BNIPL: variants seen among roughly 807,000 people sequenced by gnomAD.
BNIPL encodes the protein BCL2 interacting protein like.
In BNIPL, 33 loss-of-function variants were observed where a neutral mutation model predicts 47.0. The observed-to-expected ratio is 0.70, with a 90% CI of 0.53 to 0.94. The LOEUF (loss-of-function observed/expected upper bound fraction) is 0.94, where lower values mean the gene tolerates loss of function less well. BNIPL is among the 40% of genes least tolerant of loss of function. The pLI, the probability that BNIPL is intolerant of heterozygous loss-of-function variation, is 0.00. For synonymous variants in BNIPL, 145 were observed against 162.7 expected (o/e 0.89, Z 0.83); for missense variants, 404 against 445.2 (o/e 0.91, Z 0.83).
chr1:151,038,884 T>C lies in BNIPL; in HGVS notation c.291T>C (p.Thr97=). The change falls in exon 4 of 10, where the codon ACT becomes ACC. Residue 97 remains threonine (T), a synonymous_variant. Transcript: ENST00000368931. ...CCCCAGAGTTGCGGCTGAGTCTGAC[T>C]AAGGGGCCTGGAAATGATGGAGCTT... is the stretch of plus-strand genomic sequence containing the variant. ...LSAPELRLSL[T]KGPGNDGASP... 6.2e-7 allele frequency: 1 copy of C among 1,614,100 alleles called. No homozygotes were observed. Among genetic ancestry groups the C allele is most frequent in the East Asian group, 2.2e-5 (1 of 44,884 alleles).
chr1:151,042,925 T>C, intron 4 of BNIPL, 31 bp from the exon 5 acceptor site: 1 of 1,469,202 alleles, frequency 6.8e-7, no homozygotes, highest in Non-Finnish European at 9.0e-7. Context: ...GAAATCTGCC[T>C]TGTTGATCCT....
intron 7 of BNIPL, 53 bp from the exon 8 acceptor site, chr1:151,045,744 C>G: frequency 6.2e-7 from 1 of 1,613,310 alleles, no homozygotes; most frequent in Admixed American, 1.7e-5. Context: ...TCCACGTGAT[C>G]TTCACACATA....
chr1:151,042,650 C>T (rs1321827446), intron 4 of BNIPL, among the ~76,000 whole-genome samples: 1 of 151,720 alleles, frequency 6.6e-6, no homozygotes, highest in Admixed American at 6.6e-5. Context: ...CCTGTTTCTA[C>T]AAAAAATACA....
intron 1 of BNIPL, 143 bp downstream of exon 1, chr1:151,036,909 G>A: frequency 2.4e-6 from 2 of 819,634 alleles, no homozygotes; most frequent in Non-Finnish European, 4.0e-6. Flanking sequence ...GAAGAGATGA[G>A]GGTGGTTTTA....
intron 9 of BNIPL, among the ~76,000 whole-genome samples, 161 bp from the exon 10 acceptor site, chr1:151,046,490 T>C (rs1571845393): frequency 6.7e-6 from 1 of 148,566 alleles, no homozygotes; most frequent in Admixed American, 6.6e-5. Context: ...ACAGATGATA[T>C]CCAGTGGGGG....
chr1:151,044,633 TTGTTAGAGACAG>T (rs1423509814), intron 7 of BNIPL, among the ~76,000 whole-genome samples: 5 of 152,056 alleles, frequency 3.3e-5, no homozygotes, highest in Non-Finnish European at 7.4e-5. Flanking sequence ...TTTGTTGTTG[TTGTTAGAGACAG>T]GGTTTTGCCA....
Position 151,038,832 on chromosome 1 carries a change from A to C in BNIPL, c.239A>C (p.Gln80Pro). The change falls in exon 4 of 10, where the codon CAG becomes CCG. Residue 80 changes from glutamine (Q) to proline (P), a missense_variant. Coordinates refer to ENST00000368931, the MANE Select transcript of BNIPL (RefSeq NM_138278.4). ...CCCAGCACTTTAGCCCTGTGTGGCC[A>C]GCGCCCCATGCGCAAGCGTCTTTCT... ...GTPSTLALCG[Q>P]RPMRKRLSAP... The C allele has an allele frequency of 6.2e-7, 1 of 1,610,482 alleles. No individual in the cohort carries two copies. Among genetic ancestry groups the C allele is most frequent in the South Asian group, 1.1e-5 (1 of 90,702 alleles).
Position 151,043,300 on chromosome 1 carries a change from G to T in BNIPL, c.617-32G>T. ...TACTATCTGTCAATACATATTTGTT[G>T]ACCAAATGAATTTTCCCCTTACACT... On this transcript the variant is annotated intron_variant, in intron 5 of 9. Coordinates refer to ENST00000368931, the MANE Select transcript of BNIPL (RefSeq NM_138278.4). 2.6e-6 allele frequency: 4 copies of T among 1,543,146 alleles called. No homozygotes were observed. The South Asian group carries it at 4.5e-5, about 17-fold the overall frequency.
At chr1:151,045,537 C>A (rs1046776937) in intron 7 of BNIPL, 8 of 413,648 alleles carry the variant, frequency 1.9e-5, no homozygotes, top group Non-Finnish European at 3.0e-5. Context: ...CCAGCCCAGG[C>A]GACAGAGTGA....
intron 4 of BNIPL, among the ~76,000 whole-genome samples, chr1:151,041,427 T>C (rs1444324876): frequency 6.6e-6 from 1 of 152,034 alleles, no homozygotes; most frequent in Non-Finnish European, 1.5e-5. Flanking sequence ...AGAAAGAGTT[T>C]CACATGACAT....
chr1:151,037,720 G>A (rs1272506932), intron 2 of BNIPL, 58 bp downstream of exon 2: 4 of 1,444,246 alleles, frequency 2.8e-6, no homozygotes, highest in African/African-American at 1.4e-5. Context: ...TGGACGGAGG[G>A]GATGGCGCGG....
chr1:151,047,503 A>C lies in BNIPL; in HGVS notation c.*816A>C. 4.0e-6 allele frequency: 1 copy of C among 251,312 alleles called. No individual in the cohort carries two copies. The highest frequency in any genetic ancestry group is 1.1e-4 in the South Asian group (1 of 9,484). The allele number at this position is 251,312 out of a possible 1,614,324, so 15.6% of individuals were successfully genotyped here. A position where few individuals can be genotyped will look rare whatever the true frequency, so the allele number is the denominator to read the frequency against. The stretch of plus-strand genomic sequence containing the variant: ...ATGTCTGCTGCCTGTGAGCCTGGGA[A>C]GGAGTGCTTTCAAAACCTGTATTTT... On this transcript the variant is annotated 3_prime_UTR_variant, in exon 10 of 10. Coordinates refer to ENST00000368931, the MANE Select transcript of BNIPL (RefSeq NM_138278.4).
chr1:151,038,417 TGGTG>T (rs1029821285), intron 2 of BNIPL, 83 bp from the exon 3 acceptor site: 2 of 965,640 alleles, frequency 2.1e-6, no homozygotes, highest in African/African-American at 3.3e-5. Context: ...GATAAAATCA[TGGTG>T]GGGAGAGAGA....
intron 1 of BNIPL, 138 bp downstream of exon 1, chr1:151,036,904 G>A: frequency 1.2e-6 from 1 of 846,436 alleles, no homozygotes; most frequent in Non-Finnish European, 1.9e-6. Context: ...GCAGAGAAGA[G>A]ATGAGGGTGG....
intron 1 of BNIPL, 101 bp downstream of exon 1, chr1:151,036,867 C>T (rs1342388504): frequency 7.6e-6 from 9 of 1,178,638 alleles, no homozygotes; most frequent in Admixed American, 6.9e-5. Flanking sequence ...TCGGGTTCCT[C>T]AAGGAGACAA....
intron 4 of BNIPL, among the ~76,000 whole-genome samples, chr1:151,041,119 A>G (rs947509282): frequency 6.6e-6 from 1 of 151,944 alleles, no homozygotes. Context: ...TGGGAAGTAG[A>G]GGTTGTAGTG....
intron 4 of BNIPL, among the ~76,000 whole-genome samples, chr1:151,039,727 G>C (rs1675753728): frequency 6.6e-6 from 1 of 152,126 alleles, no homozygotes; most frequent in Non-Finnish European, 1.5e-5. Flanking sequence ...TTATCTTATA[G>C]ACAATAGGGA....
chr1:151,043,492 G>T (rs1289773732), intron 6 of BNIPL, 58 bp downstream of exon 6: 1 of 1,555,904 alleles, frequency 6.4e-7, no homozygotes, highest in Non-Finnish European at 8.9e-7. Context: ...AAGTAAAAAA[G>T]AACTCCTTCA....
intron 3 of BNIPL, 102 bp from the exon 4 acceptor site, chr1:151,038,694 A>C: frequency 6.4e-7 from 1 of 1,564,078 alleles, no homozygotes; most frequent in Non-Finnish European, 8.7e-7. Context: ...GTCCTTCTTC[A>C]GCATTCACCC....
Sources: gnomAD v4.1 joint callset for allele counts (sites outside exome capture counted in the v4.1 genomes callset) on GRCh38, gnomAD v4.1.1 for gene constraint, MANE v1.5 for transcripts, NCBI Gene and HGNC (gene_info 2026-07-23, HGNC 2026-07-21) for gene names.